Variants in CCDC171 observed in about 807,000 individuals in gnomAD.
CCDC171 encodes coiled-coil domain-containing protein 171.
A neutral mutation model predicts 168.2 loss-of-function variants in CCDC171; 177 were observed. The observed-to-expected ratio is 1.05, with a 90% CI of 0.93 to 1.19. The LOEUF (loss-of-function observed/expected upper bound fraction) is 1.19, where lower values mean the gene tolerates loss of function less well. CCDC171 is among the 50% of genes most tolerant of loss of function. The pLI, the probability that CCDC171 is intolerant of heterozygous loss-of-function variation, is 0.00. For missense variants in CCDC171, 1,991 were observed against 1,539.0 expected (o/e 1.29, Z -4.91); for synonymous variants, 687 against 540.8 (o/e 1.27, Z -3.75).
Position 15,779,000 on chromosome 9 carries a change from T to C in CCDC171, c.2931T>C (p.Leu977=). ...CAGCATCGTTGCAGAAGCAAATACT[T>C]GGATTTACACAAAGACTGCATGCTG... ...KSTASLQKQI[L]GFTQRLHAAE... The change falls in exon 20 of 26, where the codon CTT becomes CTC. Residue 977 remains leucine (L), a synonymous_variant. Coordinates refer to ENST00000380701, the MANE Select transcript of CCDC171 (RefSeq NM_173550.4). 6.5e-7 allele frequency: 1 copy of C among 1,545,604 alleles called. No individual in the cohort carries two copies. The highest frequency in any genetic ancestry group is 2.0e-5 in the Admixed American group (1 of 48,930).
At chr9:15,647,501 A>C (rs12006098) in intron 7 of CCDC171, among the ~76,000 whole-genome samples, 69,305 of 151,828 alleles carry the variant, frequency 0.46, 16,099 homozygotes, top group Non-Finnish European at 0.51. Context: ...GACCACTAGC[A>C]AGACTAATAA....
intron 6 of CCDC171, among the ~76,000 whole-genome samples, chr9:15,606,558 A>C (rs906251140): frequency 3.3e-5 from 5 of 152,190 alleles, no homozygotes; most frequent in African/African-American, 1.2e-4. Context: ...GGTTGTAGTT[A>C]GCTATATTGA....
chr9:15,625,142 C>T (rs568127505), intron 7 of CCDC171, among the ~76,000 whole-genome samples: 19 of 152,146 alleles, frequency 1.2e-4, no homozygotes, highest in South Asian at 1.2e-3. Flanking sequence ...TCATATCCTT[C>T]GCCCACTTTT....
At chr9:16,007,743 G>T (rs1477648497) in intron 3 of CCDC171, among the ~76,000 whole-genome samples, 1 of 152,162 alleles carries the variant, frequency 6.6e-6, no homozygotes, top group East Asian at 1.9e-4. Flanking sequence ...GCTGGTTGTA[G>T]ATGTGTGGTA....
In CCDC171 at chr9:15,729,626, A is replaced by G. The variant is rs190391598; in HGVS notation, c.1877A>G (p.Tyr626Cys). ...CCCGTATAGATAAGGCATCTAGAGT[A>G]TATCTGTAAAAACAAGTCTGACACG... Reference protein sequence around the residue: ...RANEKIRHLEYICKNKSDTMR... With the variant: ...RANEKIRHLECICKNKSDTMR... The change falls in exon 16 of 26, where the codon TAT (tyrosine) becomes TGT (cysteine). Residue 626 changes from tyrosine to cysteine, a missense_variant. Physicochemically the swap from Tyr to Cys is radical, Grantham distance 194 (BLOSUM62 -2). Transcript: ENST00000380701. The G allele has an allele frequency of 6.0e-5, 96 of 1,612,144 alleles. No individual in the cohort carries two copies. The East Asian group carries it at 1.7e-3, about 29-fold the overall frequency.
chr9:15,907,631 T>C (rs1309079431), intron 24 of CCDC171, among the ~76,000 whole-genome samples: 1 of 152,098 alleles, frequency 6.6e-6, no homozygotes, highest in Non-Finnish European at 1.5e-5. Context: ...CCAAAAGCAA[T>C]GGCAACAAAA....
At chr9:15,783,506 G>T (rs780772742) in intron 20 of CCDC171, among the ~76,000 whole-genome samples, 3 of 152,114 alleles carry the variant, frequency 2.0e-5, no homozygotes, top group Non-Finnish European at 4.4e-5. Context: ...TTTTTAAATA[G>T]ATACATGTAT....
At chr9:16,056,439 G>A (rs1038839273) in intron 1 of CCDC171, among the ~76,000 whole-genome samples, 1 of 152,150 alleles carries the variant, frequency 6.6e-6, no homozygotes, top group African/African-American at 2.4e-5. Flanking sequence ...GTAGCCACAC[G>A]AGCCTAGTGA....
intron 24 of CCDC171, among the ~76,000 whole-genome samples, chr9:15,891,413 C>T (rs1820200039): frequency 6.6e-6 from 1 of 151,884 alleles, no homozygotes; most frequent in Non-Finnish European, 1.5e-5. Context: ...TATATTGAAC[C>T]CCAAAAGGTC....
the CCDC171 span, among the ~76,000 whole-genome samples, chr9:16,094,711 A>G: frequency 5.3e-5 from 8 of 152,374 alleles, no homozygotes; most frequent in East Asian, 1.5e-3. Context: ...TACAAAACTA[A>G]TATTAAAGCA....
At chr9:15,623,041 T>G (rs980373761) in intron 6 of CCDC171, among the ~76,000 whole-genome samples, 1 of 152,230 alleles carries the variant, frequency 6.6e-6, no homozygotes, top group Non-Finnish European at 1.5e-5. Context: ...TTTTCCGTTG[T>G]AATATTAATC....
chr9:15,907,791 T>C (rs892556893), intron 24 of CCDC171, among the ~76,000 whole-genome samples: 1 of 151,986 alleles, frequency 6.6e-6, no homozygotes, highest in Non-Finnish European at 1.5e-5. Context: ...GAATCTACCA[T>C]GAACTCCAAC....
At chr9:15,905,895 C>G (rs1822513341) in intron 24 of CCDC171, among the ~76,000 whole-genome samples, 1 of 152,150 alleles carries the variant, frequency 6.6e-6, no homozygotes, top group African/African-American at 2.4e-5. Context: ...CTATGAACAC[C>G]TCTACGCAAA....
In CCDC171 at chr9:15,846,854, A is replaced by G. The variant is rs761281048; in HGVS notation, c.3413+7A>G. ...CCCTCCGCATGGCAGCCAAGTGAGC[A>G]TTTGGACCTTGGGGAGATCACTTAA... On this transcript the variant is annotated splice_region_variant and intron_variant, in intron 22 of 25. Coordinates refer to ENST00000380701, the MANE Select transcript of CCDC171 (RefSeq NM_173550.4). 2 of 1,600,372 alleles carry G rather than the reference A, an allele frequency of 1.2e-6. No individual in the cohort carries two copies. Among genetic ancestry groups the G allele is most frequent in the Non-Finnish European group, 1.7e-6 (2 of 1,172,528 alleles).
At chr9:15,811,642 C>T (rs1465744968) in intron 21 of CCDC171, among the ~76,000 whole-genome samples, 1 of 152,150 alleles carries the variant, frequency 6.6e-6, no homozygotes, top group Admixed American at 6.5e-5. Context: ...ACTGTTTCTA[C>T]TAATGATTTT....
intron 6 of CCDC171, among the ~76,000 whole-genome samples, chr9:16,032,807 AG>A (rs1833387062): frequency 6.6e-6 from 1 of 152,200 alleles, no homozygotes; most frequent in Non-Finnish European, 1.5e-5. Flanking sequence ...TGTAAGGATA[AG>A]GATTAGCTCC....
Position 15,793,975 on chromosome 9 carries a change from G to T in CCDC171, c.3267+9281G>T, listed in dbSNP as rs144015098. Among the ~76,000 whole-genome samples the T allele has an allele frequency of 1.8e-3, 268 of 150,676 alleles. 2 individuals carry two copies. The highest frequency in any genetic ancestry group is 6.1e-3 in the African/African-American group (249 of 40,996). ...TTGTTTTCAAACCTTATTCCTTTAGGTTTTTTTTTCTCCTGCTTTACTGTA... is the reference window on the plus strand; with the variant it reads ...TTGTTTTCAAACCTTATTCCTTTAGTTTTTTTTTTCTCCTGCTTTACTGTA... On this transcript the variant is annotated intron_variant, in intron 21 of 25. Coordinates refer to ENST00000380701, the MANE Select transcript of CCDC171 (RefSeq NM_173550.4).
At chr9:15,750,881 C>T (rs1172441144) in intron 18 of CCDC171, among the ~76,000 whole-genome samples, 2 of 152,160 alleles carry the variant, frequency 1.3e-5, no homozygotes, top group Non-Finnish European at 2.9e-5. Flanking sequence ...GACAAGGATG[C>T]TCTCTCTCAC....
chr9:15,695,224 T>A lies in CCDC171; in HGVS notation c.1216-11T>A. 6.2e-7 allele frequency: 1 copy of A among 1,604,708 alleles called. No homozygotes were observed. Among genetic ancestry groups the A allele is most frequent in the Non-Finnish European group, 8.5e-7 (1 of 1,171,586 alleles). ...CGTGACCTTATGTGTAATTTTTTTC[T>A]TAATTAAAAGGCTAAGAAGCACCAG... On this transcript the variant is annotated splice_polypyrimidine_tract_variant and intron_variant, in intron 10 of 25. Coordinates refer to ENST00000380701, the MANE Select transcript of CCDC171 (RefSeq NM_173550.4).
Sources: gnomAD v4.1 joint callset for allele counts (sites outside exome capture counted in the v4.1 genomes callset) on GRCh38, gnomAD v4.1.1 for gene constraint, MANE v1.5 for transcripts, NCBI Gene and HGNC (gene_info 2026-07-23, HGNC 2026-07-21) for gene names.